PHTF2: variants seen among roughly 807,000 people sequenced by gnomAD.
PHTF2 encodes protein PHTF2.
PHTF2 carries 60 observed loss-of-function variants against 101.2 expected under a neutral mutation model. The ratio of observed to expected loss-of-function variants is 0.59; its 90% CI spans 0.48 to 0.73. The LOEUF is 0.73. Among genes scored for constraint, PHTF2 ranks in the 30% least tolerant of loss-of-function variants. PHTF2 has a pLI of 0.00. For synonymous variants in PHTF2, 311 were observed against 307.3 expected, an observed-to-expected ratio of 1.01 and a Z score of -0.13; for missense variants, 747 against 908.7, an observed-to-expected ratio of 0.82 and a Z score of 2.29.
At chr7:77,868,477 A>C (rs1454006557) in intron 3 of PHTF2, among the ~76,000 whole-genome samples, 2 of 151,622 alleles carry the variant, frequency 1.3e-5, no homozygotes, top group Admixed American at 1.3e-4. Context: ...CCAAAATTGA[A>C]CTTTTTATTA....
At chr7:77,889,606 T>C (rs2150782671) in intron 3 of PHTF2, among the ~76,000 whole-genome samples, 1 of 150,162 alleles carries the variant, frequency 6.7e-6, no homozygotes, top group Middle Eastern at 3.4e-3. Flanking sequence ...TTTTTTTTTT[T>C]TTTGAGACGG....
intron 1 of PHTF2, among the ~76,000 whole-genome samples, chr7:77,827,720 G>C (rs1794788406): frequency 6.6e-6 from 1 of 151,860 alleles, no homozygotes; most frequent in South Asian, 2.1e-4. Context: ...GCAGCTCACT[G>C]TCTGCTCCTC....
At chr7:77,802,543 C>T (rs1792640519) in intron 1 of PHTF2, among the ~76,000 whole-genome samples, 1 of 151,842 alleles carries the variant, frequency 6.6e-6, no homozygotes, top group Non-Finnish European at 1.5e-5. Context: ...GATAGTGGGA[C>T]AGAGTTTTTT....
chr7:77,955,043 C>CT (rs994654391), exon 20 of PHTF2: 77 of 368,764 alleles, frequency 2.1e-4, no homozygotes, highest in African/African-American at 8.9e-4. Flanking sequence ...TACTGGTTCA[C>CT]TTTTTTTTAC....
intron 2 of PHTF2, among the ~76,000 whole-genome samples, chr7:77,853,345 T>C (rs1054913710): frequency 1.4e-5 from 2 of 148,054 alleles, no homozygotes; most frequent in Admixed American, 6.6e-5. Context: ...GTTCTGCTGT[T>C]GACAGACTTT....
At chr7:77,895,153 A>G (rs981040523) in intron 5 of PHTF2, 1 of 455,966 alleles carries the variant, frequency 2.2e-6, no homozygotes, top group African/African-American at 2.0e-5. Flanking sequence ...CTTGGGAGGG[A>G]CATTTGAGAG....
chr7:77,935,270 T>G (rs1187548285), intron 12 of PHTF2, among the ~76,000 whole-genome samples: 1 of 132,976 alleles, frequency 7.5e-6, no homozygotes, highest in African/African-American at 2.7e-5. Flanking sequence ...TCGCCCAGGC[T>G]GGAGTGCAGT....
chr7:77,909,098 A>T (rs1405125465), intron 8 of PHTF2, 140 bp downstream of exon 7: 1 of 516,178 alleles, frequency 1.9e-6, no homozygotes, highest in Admixed American at 3.7e-5. Flanking sequence ...CTTCAGAATC[A>T]ATTACCAGAT....
chr7:77,899,747 TTGGA>T (rs1801212772), intron 5 of PHTF2, among the ~76,000 whole-genome samples: 1 of 152,224 alleles, frequency 6.6e-6, no homozygotes, highest in Non-Finnish European at 1.5e-5. Context: ...TCATTGTTAC[TTGGA>T]TTAGGACCAA....
chr7:77,822,617 C>CT (rs1794380681), intron 1 of PHTF2, among the ~76,000 whole-genome samples: 2 of 152,102 alleles, frequency 1.3e-5, no homozygotes, highest in Admixed American at 1.3e-4. Flanking sequence ...TAGGGATCTT[C>CT]TGCTTACCTT....
chr7:77,943,181 C>T (rs1008099190), intron 16 of PHTF2, among the ~76,000 whole-genome samples: 21 of 152,260 alleles, frequency 1.4e-4, no homozygotes, highest in African/African-American at 4.3e-4. Context: ...AGTGCAGTGG[C>T]GCGATCTCGG....
Position 77,940,153 on chromosome 7 carries a change from C to G in PHTF2, c.1591C>G (p.His531Asp), listed in dbSNP as rs1253720649. 3 of 1,613,826 alleles carry G rather than the reference C, an allele frequency of 1.9e-6. No individual in the cohort carries two copies. In the South Asian group the frequency reaches 3.3e-5, roughly 18 times the overall value. Reference sequence around the variant, plus strand: ...TACAGACTTGGAACAACTCACAGCACATTCTGCTTCAGAACTTTATGTGAT... The same window carrying G: ...TACAGACTTGGAACAACTCACAGCAGATTCTGCTTCAGAACTTTATGTGAT... Residue 531 changes from histidine (H) to aspartate (D), a missense_variant, in exon 14 of 20, where the codon CAT becomes GAT. Transcript: ENST00000416283.
chr7:77,887,098 A>G (rs1474633069), intron 3 of PHTF2, among the ~76,000 whole-genome samples: 1 of 151,660 alleles, frequency 6.6e-6, no homozygotes, highest in Non-Finnish European at 1.5e-5. Context: ...GCAGAAAGGA[A>G]AAGTGCTGTT....
At chr7:77,949,016 T>C (rs1220336205) in intron 16 of PHTF2, among the ~76,000 whole-genome samples, 5 of 152,166 alleles carry the variant, frequency 3.3e-5, no homozygotes, top group African/African-American at 1.2e-4. Flanking sequence ...TAATGGAAAT[T>C]GGCAACAAAA....
exon 20 of PHTF2, chr7:77,956,278 G>A (rs1042502161): frequency 1.3e-5 from 2 of 152,510 alleles, no homozygotes; most frequent in Middle Eastern, 3.4e-3. Context: ...ACTTTAAGAC[G>A]ATTAATTGTA....
At chr7:77,920,999 G>A (rs937475547) in intron 10 of PHTF2, among the ~76,000 whole-genome samples, 2 of 152,118 alleles carry the variant, frequency 1.3e-5, no homozygotes, top group African/African-American at 4.8e-5. Flanking sequence ...AATGTTAAAA[G>A]CACTTTATAA....
intron 1 of PHTF2, among the ~76,000 whole-genome samples, chr7:77,831,352 A>G (rs979530556): frequency 1.3e-5 from 2 of 152,254 alleles, no homozygotes; most frequent in African/African-American, 4.8e-5. Flanking sequence ...GAAGCCGTTT[A>G]CTATTGGTGA....
At chr7:77,805,295 T>C (rs1417264293) in intron 1 of PHTF2, among the ~76,000 whole-genome samples, 1 of 152,184 alleles carries the variant, frequency 6.6e-6, no homozygotes, top group Non-Finnish European at 1.5e-5. Context: ...TGATGTCTTT[T>C]CTCTTTTCTC....
chr7:77,803,674 C>CT (rs1468889429), intron 1 of PHTF2, among the ~76,000 whole-genome samples: 1 of 150,166 alleles, frequency 6.7e-6, no homozygotes, highest in Non-Finnish European at 1.5e-5. Context: ...AGTTATTTGA[C>CT]TGAGTTGAAC....
Sources: gnomAD v4.1 joint callset for allele counts (sites outside exome capture counted in the v4.1 genomes callset) on GRCh38, gnomAD v4.1.1 for gene constraint, MANE v1.5 for transcripts, NCBI Gene and HGNC (gene_info 2026-07-23, HGNC 2026-07-21) for gene names.